The following ABCA7 variants were observed in gnomAD, a reference collection of about 807,000 sequenced individuals.
ABCA7 encodes phospholipid-transporting ATPase ABCA7.
ABCA7 carries 261 observed loss-of-function variants against 227.6 expected under a neutral mutation model. That is an observed-to-expected ratio of 1.15 (90% CI 1.04 to 1.27). The LOEUF (loss-of-function observed/expected upper bound fraction) is 1.27. Among genes scored for constraint, ABCA7 ranks in the 50% most tolerant of loss-of-function variants. The pLI is 0.00. For missense variants in ABCA7, 3,331 were observed against 2,924.5 expected (o/e 1.14, Z -3.21); for synonymous variants, 1,488 against 1,279.7 (o/e 1.16, Z -3.47).
chr19:1,047,614 C>T lies in ABCA7; in HGVS notation c.2229C>T (p.Leu743=), dbSNP rs2040838299. The T allele has an allele frequency of 1.9e-5, 31 of 1,601,400 alleles. No homozygotes were observed. The highest frequency in any genetic ancestry group is 2.6e-5 in the Non-Finnish European group (31 of 1,178,450). The change falls in exon 16 of 47, where the codon CTC becomes CTT. Residue 743 remains leucine, a synonymous_variant. Coordinates refer to ENST00000263094, the MANE Select transcript of ABCA7 (RefSeq NM_019112.4). ...GCCTTCTGCTGCTGGACGCGGCGCT[C>T]TACGGCCTCGCCACCTGGTACCTGG... ...VSGLLLLDAA[L]YGLATWYLEA...
intron 9 of ABCA7, 116 bp from the exon 10 acceptor site, chr19:1,043,609 G>A: frequency 1.3e-6 from 2 of 1,547,608 alleles, no homozygotes; most frequent in South Asian, 1.1e-5. Flanking sequence ...GATGGAGGGG[G>A]ATCAGCTTGT....
chr19:1,055,918 AG>A lies in ABCA7; in HGVS notation c.4218del (p.Lys1407SerfsTer3), dbSNP rs1445334530. ...CATCTCTCCCACAGCCTGAAGACTAAGAAGTGGGTGAATGAGGTCAGGTGAG... is the reference window on the plus strand; with the variant it reads ...CATCTCTCCCACAGCCTGAAGACTAAAAGTGGGTGAATGAGGTCAGGTGAG... The part of the protein sequence containing the change: ...PRLVRQGLKT[K>X]KWVNEVRYGG... On this transcript the variant is annotated frameshift_variant, in exon 31 of 47. Transcript: ENST00000263094. LOFTEE classifies it high-confidence loss of function. 1.3e-6 allele frequency: 2 copies of A among 1,594,722 alleles called. No individual in the cohort carries two copies. The highest frequency in any genetic ancestry group is 1.7e-6 in the Non-Finnish European group (2 of 1,169,646).
chr19:1,042,842 C>T lies in ABCA7; in HGVS notation c.579+16C>T, dbSNP rs748837612. The stretch of plus-strand genomic sequence containing the variant: ...GGCCCAGGAGGTACGAGGCCCCACT[C>T]ATCCTCAACCCCCATGGAGGCAACG... On this transcript the variant is annotated intron_variant, in intron 7 of 46. Coordinates refer to ENST00000263094, the MANE Select transcript of ABCA7 (RefSeq NM_019112.4). The T allele has an allele frequency of 3.2e-6, 5 of 1,559,858 alleles. No homozygotes were observed. The East Asian group carries it at 1.1e-4, about 35-fold the overall frequency.
At chr19:1,064,085 C>T (rs926560333) in intron 44 of ABCA7, 76 bp from the exon 45 acceptor site, 18 of 1,451,134 alleles carry the variant, frequency 1.2e-5, no homozygotes, top group Middle Eastern at 2.3e-4. Flanking sequence ...TGGCCCAGGC[C>T]GGGGGAAGCA....
Position 1,065,468 on chromosome 19 carries a change from C to A in ABCA7, c.*43C>A, listed in dbSNP as rs769035388. ...GGCCGCGGGGAGGCCCTGGGAATGG[C>A]AAGGGCAAGGTAGAGTGCCTAGGAG... is the stretch of plus-strand genomic sequence containing the variant. On this transcript the variant is annotated 3_prime_UTR_variant, in exon 47 of 47. Transcript: ENST00000263094. 1.2e-6 allele frequency: 2 copies of A among 1,606,774 alleles called. No homozygotes were observed. Among genetic ancestry groups the A allele is most frequent in the Non-Finnish European group, 1.7e-6 (2 of 1,175,890 alleles).
At chr19:1,060,399 C>T (rs60603423) in intron 40 of ABCA7, among the ~76,000 whole-genome samples, 3,923 of 151,212 alleles carry the variant, frequency 0.026, 172 homozygotes, top group African/African-American at 0.09. Context: ...TTAGTAGAGA[C>T]GGGGTTTCAC....
Position 1,062,180 on chromosome 19 carries a change from G to A in ABCA7, c.5579G>A (p.Arg1860Gln), listed in dbSNP as rs777219455. 2.5e-6 allele frequency: 4 copies of A among 1,611,802 alleles called. No individual in the cohort carries two copies. Among genetic ancestry groups the A allele is most frequent in the East Asian group, 2.2e-5 (1 of 44,844 alleles). Residue 1860 changes from arginine (R) to glutamine (Q), a missense_variant, in exon 42 of 47, where the codon CGG becomes CAG. Transcript: ENST00000263094. The part of the protein sequence containing the change: ...EAVLAGHSVA[R>Q]EPSAAHLSMG... ...GGCGCCCCCATCCCCAGCGTGGCCC[G>A]GGAACCCAGTGCTGCGCACCTCAGC...
intron 23 of ABCA7, among the ~76,000 whole-genome samples, chr19:1,052,625 AAAGGGG>A (rs200546217): frequency 7.3e-3 from 2 of 274 alleles, no homozygotes; most frequent in Non-Finnish European, 0.016. Context: ...AGGGGGAGGG[AAAGGGG>A]GAGGAGAAGG....
Sources: allele counts gnomAD v4.1 joint callset (sites outside exome capture counted in the v4.1 genomes callset), GRCh38; gene constraint gnomAD v4.1.1; transcripts MANE v1.5; gene names NCBI Gene and HGNC (gene_info 2026-07-23, HGNC 2026-07-21).